Variants in TMEM182 observed in about 807,000 individuals in gnomAD.
TMEM182 encodes transmembrane protein 182.
TMEM182 carries 20 observed loss-of-function variants against 26.8 expected under a neutral mutation model. That is an observed-to-expected ratio of 0.75 (90% CI 0.53 to 1.09). The LOEUF (loss-of-function observed/expected upper bound fraction) is 1.09, where lower values mean the gene tolerates loss of function less well. TMEM182 is among the 50% of genes least tolerant of loss of function. TMEM182 has a pLI of 0.00. For missense variants in TMEM182, 277 were observed against 275.5 expected (o/e 1.01, Z -0.04); for synonymous variants, 109 against 102.2 (o/e 1.07, Z -0.40).
intron 3 of TMEM182, among the ~76,000 whole-genome samples, chr2:102,777,612 T>C (rs931692370): frequency 2.6e-5 from 4 of 152,104 alleles, no homozygotes; most frequent in African/African-American, 9.6e-5. Flanking sequence ...AATGTTTAGC[T>C]TGCTTTCCTG....
chr2:102,836,209 T>G (rs1352950897), intron 3 of TMEM182, among the ~76,000 whole-genome samples: 4 of 152,230 alleles, frequency 2.6e-5, no homozygotes, highest in African/African-American at 9.6e-5. Flanking sequence ...CATGTGCAGA[T>G]TTTTGTGGGG....
intron 4 of TMEM182, among the ~76,000 whole-genome samples, chr2:102,807,993 A>G (rs1682411139): frequency 6.6e-6 from 1 of 152,196 alleles, no homozygotes; most frequent in African/African-American, 2.4e-5. Context: ...GGAGTCTTTT[A>G]TGAATGCAGG....
At chr2:102,784,081 G>T (rs987441388) in intron 3 of TMEM182, among the ~76,000 whole-genome samples, 3 of 152,114 alleles carry the variant, frequency 2.0e-5, no homozygotes, top group Non-Finnish European at 4.4e-5. Flanking sequence ...GCCACTATTT[G>T]CAGGTACAAC....
downstream of TMEM182, among the ~76,000 whole-genome samples, chr2:102,822,479 AAGTGTGG>A: frequency 6.6e-6 from 1 of 152,236 alleles, no homozygotes; most frequent in East Asian, 1.9e-4. Context: ...TTGGAGATGG[AAGTGTGG>A]AGGTGGTTGG....
At chr2:102,826,797 G>A (rs1683039240) in intron 3 of TMEM182, among the ~76,000 whole-genome samples, 1 of 152,040 alleles carries the variant, frequency 6.6e-6, no homozygotes, top group Non-Finnish European at 1.5e-5. Flanking sequence ...AAAACTTGAG[G>A]GAGCGGGTCG....
chr2:102,786,651 T>G (rs933901553), intron 3 of TMEM182, among the ~76,000 whole-genome samples: 1 of 152,232 alleles, frequency 6.6e-6, no homozygotes, highest in African/African-American at 2.4e-5. Context: ...GAGGTCAAGA[T>G]CCTGGATTCA....
chr2:102,834,110 A>G (rs1029818607), intron 3 of TMEM182, among the ~76,000 whole-genome samples: 1 of 152,192 alleles, frequency 6.6e-6, no homozygotes, highest in African/African-American at 2.4e-5. Flanking sequence ...GTTTCCAGTC[A>G]TTGGGTGGGC....
At chr2:102,791,280 C>G (rs1322252108) in intron 3 of TMEM182, among the ~76,000 whole-genome samples, 1 of 151,942 alleles carries the variant, frequency 6.6e-6, no homozygotes, top group Non-Finnish European at 1.5e-5. Context: ...CAAATAATTA[C>G]TAGAAAATAT....
At chr2:102,765,865 A>G (rs1026521342) in intron 3 of TMEM182, among the ~76,000 whole-genome samples, 15 of 152,150 alleles carry the variant, frequency 9.9e-5, no homozygotes, top group Admixed American at 5.9e-4. Context: ...AAGGCACCTC[A>G]CTCACATTTG....
At chr2:102,805,514 A>G (rs1304212491) in intron 4 of TMEM182, among the ~76,000 whole-genome samples, 1 of 152,128 alleles carries the variant, frequency 6.6e-6, no homozygotes, top group East Asian at 1.9e-4. Context: ...GCCCAGATAA[A>G]TCACCATCTC....
chr2:102,776,101 C>T (rs1294588702), intron 3 of TMEM182, among the ~76,000 whole-genome samples: 3 of 152,086 alleles, frequency 2.0e-5, no homozygotes, highest in Non-Finnish European at 4.4e-5. Context: ...GTTCCCATCC[C>T]ACCACCTACA....
In TMEM182 at chr2:102,814,964, A is replaced by G; in HGVS notation, c.686A>G (p.His229Arg). ...GTTGGATGGCATATTCAGATACATC[A>G]CTAAATCAACTGTTGCCACAAGTAT... The part of the protein sequence containing the change: ...LVVGWHIQIH[H>R] The change falls in exon 5 of 5, where the codon CAC becomes CGC. Residue 229 changes from histidine to arginine, a missense_variant. By Grantham distance (29) the His-to-Arg change is conservative. Coordinates refer to ENST00000412401, the MANE Select transcript of TMEM182 (RefSeq NM_144632.5). 2 of 1,613,500 alleles carry G rather than the reference A, an allele frequency of 1.2e-6. No homozygotes were observed. Among genetic ancestry groups the G allele is most frequent in the Non-Finnish European group, 8.5e-7 (1 of 1,179,746 alleles).
chr2:102,741,426 A>C (rs1679542681), intron 1 of TMEM182, among the ~76,000 whole-genome samples: 1 of 152,214 alleles, frequency 6.6e-6, no homozygotes, highest in Non-Finnish European at 1.5e-5. Flanking sequence ...AAGAAAAGTA[A>C]GCATTTAACA....
chr2:102,784,983 G>T (rs1681328568), intron 3 of TMEM182, among the ~76,000 whole-genome samples: 1 of 152,096 alleles, frequency 6.6e-6, no homozygotes, highest in Admixed American at 6.6e-5. Context: ...TAGGAATGCA[G>T]CCCAGTAGGT....
chr2:102,761,599 G>A (rs1429480506), upstream of TMEM182, among the ~76,000 whole-genome samples: 9 of 152,088 alleles, frequency 5.9e-5, no homozygotes, highest in Non-Finnish European at 1.2e-4. Flanking sequence ...TAGACTATTT[G>A]ACCAAAAACG....
rs1214748287 is a variant in TMEM182, at chr2:102,769,574, C to A, written c.331+5147C>A. ...TTGCTTTTCTGTTTTTATGTTAGCA[C>A]ACATTTCCCCATGTATTTACTTAGT... On this transcript the variant is annotated intron_variant, in intron 3 of 4. Coordinates refer to ENST00000412401, the MANE Select transcript of TMEM182 (RefSeq NM_144632.5). Among the ~76,000 whole-genome samples the A allele has an allele frequency of 2.0e-5, 3 of 152,130 alleles. No homozygotes were observed. The South Asian group carries it at 6.2e-4, about 32-fold the overall frequency.
chr2:102,793,703 G>A (rs1237825336), intron 3 of TMEM182, among the ~76,000 whole-genome samples: 1 of 152,038 alleles, frequency 6.6e-6, no homozygotes, highest in South Asian at 2.1e-4. Context: ...ATACTGTATT[G>A]TTTTACAATT....
upstream of TMEM182, among the ~76,000 whole-genome samples, chr2:102,761,668 T>C (rs115808862): frequency 7.2e-4 from 109 of 152,352 alleles, no homozygotes; most frequent in African/African-American, 2.2e-3. Flanking sequence ...TTCAATTGTG[T>C]TCAAGATCGG....
intron 3 of TMEM182, among the ~76,000 whole-genome samples, chr2:102,791,110 A>AT (rs1336886317): frequency 6.6e-6 from 1 of 151,884 alleles, no homozygotes; most frequent in Non-Finnish European, 1.5e-5. Flanking sequence ...TAATTTTTGT[A>AT]TTTTTTATAG....
Sources: allele counts gnomAD v4.1 joint callset (sites outside exome capture counted in the v4.1 genomes callset), GRCh38; gene constraint gnomAD v4.1.1; transcripts MANE v1.5; gene names NCBI Gene and HGNC (gene_info 2026-07-23, HGNC 2026-07-21).